ST6GAL1: variants seen among roughly 807,000 people sequenced by gnomAD.
The protein encoded by ST6GAL1 is beta-galactoside alpha-2,6-sialyltransferase 1.
In ST6GAL1, 20 loss-of-function variants were observed where a neutral mutation model predicts 38.0. The observed-to-expected ratio is 0.53, with a 90% CI of 0.37 to 0.77. ST6GAL1 has a LOEUF of 0.77. Ranked by LOEUF, ST6GAL1 falls within the 30% of genes least tolerant of loss-of-function variation. ST6GAL1 has a pLI of 0.00. For missense variants in ST6GAL1, 432 were observed against 496.4 expected (o/e 0.87, Z 1.23); for synonymous variants, 196 against 188.2 (o/e 1.04, Z -0.34).
intron 2 of ST6GAL1, among the ~76,000 whole-genome samples, chr3:186,984,883 CCTTT>C (rs1228973353): frequency 6.9e-6 from 1 of 144,204 alleles, no homozygotes; most frequent in African/African-American, 2.6e-5. Context: ...TTCCTTCCGT[CCTTT>C]CTTTCTCTCT....
intron 5 of ST6GAL1, chr3:187,072,586 G>A (rs1579387115): frequency 2.4e-6 from 1 of 408,968 alleles, no homozygotes; most frequent in East Asian, 5.5e-5. Flanking sequence ...CTGTACCCTT[G>A]CCCCCGTAAT....
rs1412951650 is a variant in ST6GAL1, at chr3:187,076,060, T to C, written c.*257T>C. 9 of 469,462 alleles carry C rather than the reference T, an allele frequency of 1.9e-5. No homozygotes were observed. The highest frequency in any genetic ancestry group is 5.8e-4 in the Middle Eastern group (1 of 1,728). 29.1% of individuals were successfully genotyped at this position (469,462 alleles called of 1,614,324 possible). A position where few individuals can be genotyped will look rare whatever the true frequency, so the allele number is the denominator to read the frequency against. On this transcript the variant is annotated 3_prime_UTR_variant, in exon 8 of 8. Transcript: ENST00000169298. Reference sequence around the variant, plus strand: ...TATCTAGCATTCTTTCCAGACAGCATCCTCCCCGCCTTCCACCTTGGTAGA... The same window carrying C: ...TATCTAGCATTCTTTCCAGACAGCACCCTCCCCGCCTTCCACCTTGGTAGA...
intron 2 of ST6GAL1, among the ~76,000 whole-genome samples, chr3:187,010,777 A>G (rs4686830): frequency 0.75 from 113,941 of 152,160 alleles, 42,940 homozygotes; most frequent in South Asian, 0.84. Context: ...TCTGATTGAT[A>G]ACGCCCAAAG....
chr3:186,995,496 A>G (rs1225364069), intron 2 of ST6GAL1, among the ~76,000 whole-genome samples: 2 of 121,114 alleles, frequency 1.7e-5, no homozygotes, highest in Non-Finnish European at 3.4e-5. Context: ...ACAGAGTGAG[A>G]CACCATCTCA....
At chr3:186,939,326 G>T (rs550633510) in intron 1 of ST6GAL1, among the ~76,000 whole-genome samples, 71 of 152,046 alleles carry the variant, frequency 4.7e-4, no homozygotes, top group Non-Finnish European at 9.6e-4. Context: ...TCCTGCCTTG[G>T]CCTCCCAAAG....
intron 4 of ST6GAL1, among the ~76,000 whole-genome samples, chr3:187,050,833 A>G (rs1323175177): frequency 2.0e-5 from 3 of 152,182 alleles, no homozygotes; most frequent in Non-Finnish European, 4.4e-5. Flanking sequence ...TACACTGAAC[A>G]TATGGTAGTG....
intron 2 of ST6GAL1, among the ~76,000 whole-genome samples, chr3:186,997,891 G>C (rs1324153042): frequency 6.6e-6 from 1 of 152,136 alleles, no homozygotes; most frequent in Admixed American, 6.5e-5. Context: ...AATGGAAATA[G>C]AAAGCAAGCC....
chr3:187,071,738 C>G (rs566908996), intron 5 of ST6GAL1, among the ~76,000 whole-genome samples: 1 of 132,170 alleles, frequency 7.6e-6, no homozygotes, highest in African/African-American at 3.0e-5. Flanking sequence ...CCAGCCTGGG[C>G]GACACAGGCT....
intron 2 of ST6GAL1, among the ~76,000 whole-genome samples, chr3:187,023,759 A>G (rs572002041): frequency 6.6e-6 from 1 of 152,220 alleles, no homozygotes; most frequent in South Asian, 2.1e-4. Flanking sequence ...GGGGAGGGAT[A>G]GCATTAGGAG....
At chr3:186,996,740 G>GAA (rs1716423122) in intron 2 of ST6GAL1, 1 of 152,084 alleles carries the variant, frequency 6.6e-6, no homozygotes, top group African/African-American at 2.4e-5. Flanking sequence ...TGTTTTCTTT[G>GAA]CATGACGTGC....
intron 5 of ST6GAL1, among the ~76,000 whole-genome samples, chr3:187,067,461 A>G (rs1719206351): frequency 1.5e-5 from 2 of 136,824 alleles, no homozygotes; most frequent in Admixed American, 8.0e-5. Context: ...AATGTGGGTG[A>G]GTTCAGAGCC....
intron 5 of ST6GAL1, among the ~76,000 whole-genome samples, chr3:187,059,494 T>TCATTCAACA (rs1718835422): frequency 1.3e-5 from 2 of 152,348 alleles, no homozygotes; most frequent in Middle Eastern, 3.4e-3. Context: ...TACTCTTAAT[T>TCATTCAACA]AATTCATTCA....
intron 2 of ST6GAL1, among the ~76,000 whole-genome samples, chr3:187,035,304 T>C (rs1006349662): frequency 6.6e-6 from 1 of 152,206 alleles, no homozygotes; most frequent in Non-Finnish European, 1.5e-5. Flanking sequence ...AAAGAATCAA[T>C]ATCATTAAAA....
chr3:187,046,491 G>A (rs941087009), intron 4 of ST6GAL1, among the ~76,000 whole-genome samples: 2 of 152,180 alleles, frequency 1.3e-5, no homozygotes, highest in African/African-American at 2.4e-5. Context: ...CAGGGAAGAA[G>A]ACCAATTAGA....
chr3:186,994,844 G>A (rs981879992), intron 2 of ST6GAL1, among the ~76,000 whole-genome samples: 1 of 151,934 alleles, frequency 6.6e-6, no homozygotes, highest in Non-Finnish European at 1.5e-5. Context: ...AGGAAGCTGA[G>A]GCAGGGGAAT....
chr3:187,052,904 ACTCC>A (rs1309457979), intron 5 of ST6GAL1, among the ~76,000 whole-genome samples: 1 of 152,108 alleles, frequency 6.6e-6, no homozygotes, highest in African/African-American at 2.4e-5. Context: ...ACTAGTTTAC[ACTCC>A]CACCCACAGT....
At chr3:187,047,040 G>A (rs546268188) in intron 4 of ST6GAL1, among the ~76,000 whole-genome samples, 1 of 152,258 alleles carries the variant, frequency 6.6e-6, no homozygotes, top group African/African-American at 2.4e-5. Context: ...CCGCCTCCCA[G>A]GTTCATGCCA....
chr3:187,062,070 A>G (rs1718934158), intron 5 of ST6GAL1, among the ~76,000 whole-genome samples: 1 of 152,222 alleles, frequency 6.6e-6, no homozygotes, highest in Admixed American at 6.5e-5. Context: ...AAGGACTTGA[A>G]TGGACGTTTC....
intron 2 of ST6GAL1, among the ~76,000 whole-genome samples, chr3:187,031,866 A>C (rs139333152): frequency 3.9e-5 from 6 of 152,354 alleles, no homozygotes; most frequent in African/African-American, 1.2e-4. Flanking sequence ...GCTCAAAGTC[A>C]GGTAGCTGGT....
Sources: allele counts gnomAD v4.1 joint callset (sites outside exome capture counted in the v4.1 genomes callset), GRCh38; gene constraint gnomAD v4.1.1; transcripts MANE v1.5; gene names NCBI Gene and HGNC (gene_info 2026-07-23, HGNC 2026-07-21).